Variants in FMN2 observed in about 807,000 individuals in gnomAD.
FMN2 encodes formin 2, also known as formin-2.
FMN2 carries 51 observed loss-of-function variants against 142.3 expected under a neutral mutation model. The ratio of observed to expected loss-of-function variants is 0.36; its 90% CI spans 0.29 to 0.45. FMN2 has a LOEUF of 0.45. Ranked by LOEUF, FMN2 falls within the 20% of genes least tolerant of loss-of-function variation. The probability of loss-of-function intolerance (pLI) is 1.00; values close to 1 mark genes in which losing one functional copy is unlikely to be tolerated. For missense variants in FMN2, 1,936 were observed against 2,122.8 expected (o/e 0.91, Z 1.73); for synonymous variants, 882 against 869.8 (o/e 1.01, Z -0.25).
rs530731594 is a variant in FMN2, at chr1:240,107,538, A to T, written c.1615+13814A>T. Among the ~76,000 whole-genome samples, 11 of 152,268 alleles carry T rather than the reference A, an allele frequency of 7.2e-5. No homozygotes were observed. The East Asian group carries it at 1.9e-3, about 27-fold the overall frequency. On this transcript the variant is annotated intron_variant, in intron 1 of 17. Coordinates refer to ENST00000319653, the MANE Select transcript of FMN2 (RefSeq NM_020066.5). Reference sequence around the variant, plus strand: ...TGTCTTTCTATAGTTTTTCCCTTTTAATCTTGATTTATTTCATGACCTTTT... The same window carrying T: ...TGTCTTTCTATAGTTTTTCCCTTTTTATCTTGATTTATTTCATGACCTTTT...
rs897291378 is a variant in FMN2, at chr1:240,178,210, G to T, written c.1930+142G>T. 5.9e-5 allele frequency: 56 copies of T among 944,130 alleles called. No individual in the cohort carries two copies. In the African/African-American group the frequency reaches 9.5e-4, roughly 16 times the overall value. The allele number at this position is 944,130 out of a possible 1,614,324, so 58.5% of individuals were successfully genotyped here. A position where few individuals can be genotyped will look rare whatever the true frequency, so the allele number is the denominator to read the frequency against. On this transcript the variant is annotated intron_variant, in intron 3 of 17. Coordinates refer to ENST00000319653, the MANE Select transcript of FMN2 (RefSeq NM_020066.5). Reference sequence around the variant, plus strand: ...TAATCTTCAAAAAGTTTTTACTTTGGGGTCTTTTCTCTCTTTGTTCCTTTT... The same window carrying T: ...TAATCTTCAAAAAGTTTTTACTTTGTGGTCTTTTCTCTCTTTGTTCCTTTT...
intron 6 of FMN2, among the ~76,000 whole-genome samples, chr1:240,222,383 G>C (rs1667151982): frequency 6.6e-6 from 1 of 152,088 alleles, no homozygotes; most frequent in African/African-American, 2.4e-5. Flanking sequence ...TGCTGTTTTG[G>C]TTACTGTAGC....
intron 16 of FMN2, among the ~76,000 whole-genome samples, chr1:240,450,274 A>G (rs1390127675): frequency 2.6e-5 from 4 of 152,216 alleles, no homozygotes; most frequent in Non-Finnish European, 5.9e-5. Context: ...TTATTAATAC[A>G]TAGATTAGAT....
intron 6 of FMN2, among the ~76,000 whole-genome samples, chr1:240,212,472 G>A (rs1452954712): frequency 1.3e-5 from 2 of 152,158 alleles, no homozygotes; most frequent in Non-Finnish European, 2.9e-5. Context: ...CATAGTAAAT[G>A]AGATGGCACC....
chr1:240,308,147 A>G (rs1264729535), intron 8 of FMN2, among the ~76,000 whole-genome samples: 1 of 152,184 alleles, frequency 6.6e-6, no homozygotes, highest in East Asian at 1.9e-4. Context: ...GCGGGAGATG[A>G]GGAAGAGAAG....
In FMN2 at chr1:240,178,155, T is replaced by C. The variant is rs1665003207; in HGVS notation, c.1930+87T>C. On this transcript the variant is annotated intron_variant, in intron 3 of 17. Coordinates refer to ENST00000319653, the MANE Select transcript of FMN2 (RefSeq NM_020066.5). ...TATTAAATCTTAGTTTTAAGTAATC[T>C]TTTATTTTTAATTGCATGGCATTCA... 6.7e-6 allele frequency: 9 copies of C among 1,338,484 alleles called. No individual in the cohort carries two copies. The South Asian group carries it at 1.9e-4, about 28-fold the overall frequency. The allele number at this position is 1,338,484 out of a possible 1,614,324, so 82.9% of individuals were successfully genotyped here. A position where few individuals can be genotyped will look rare whatever the true frequency, so the allele number is the denominator to read the frequency against.
At chr1:240,134,743 GGAGT>G (rs1356998607) in intron 2 of FMN2, among the ~76,000 whole-genome samples, 9 of 152,088 alleles carry the variant, frequency 5.9e-5, no homozygotes, top group African/African-American at 2.2e-4. Context: ...TATTAGTCTG[GGAGT>G]TGACTCTGTA....
rs35315482 is a variant in FMN2, at chr1:240,226,809, GACAC to G, written c.4065+15596_4065+15599del. Among the ~76,000 whole-genome samples the G allele has an allele frequency of 4.0e-3, 604 of 149,356 alleles. 2 individuals are homozygous for G. Among genetic ancestry groups the G allele is most frequent in the East Asian group, 0.013 (66 of 5,084 alleles). The stretch of plus-strand genomic sequence containing the variant: ...GTTACCAAATCGTATACACTTTAGT[GACAC>G]ACACACACACACACACACACATACA... On this transcript the variant is annotated intron_variant, in intron 6 of 17. Transcript: ENST00000319653.
chr1:240,094,523 C>T lies in FMN2; in HGVS notation c.1615+799C>T, dbSNP rs767908351. ...CTCATACCCAGGGCGGCATAAAGCA[C>T]AGCCAGAGTATGTTTGCTCTGGTCA... is the stretch of plus-strand genomic sequence containing the variant. On this transcript the variant is annotated intron_variant, in intron 1 of 17. Coordinates refer to ENST00000319653, the MANE Select transcript of FMN2 (RefSeq NM_020066.5). Among the ~76,000 whole-genome samples, 52 of 152,156 alleles carry T rather than the reference C, an allele frequency of 3.4e-4. 1 individual carries two copies. Among genetic ancestry groups the T allele is most frequent in the Non-Finnish European group, 1.2e-4 (8 of 68,032 alleles).
Position 240,093,545 on chromosome 1 carries a change from T to C in FMN2, c.1436T>C (p.Leu479Pro), listed in dbSNP as rs1363544882. ...GCCGACGGCGGCCTTGCGGCCGGCC[T>C]GAGCCGCTCGGCTGACTGGACGGAG... ...HRADGGLAAG[L>P]SRSADWTEEL... The change falls in exon 1 of 18, where the codon CTG becomes CCG. Residue 479 changes from leucine (L) to proline (P), a missense_variant. Physicochemically the swap from Leu to Pro is moderately conservative, Grantham distance 98 (BLOSUM62 -3). Around this residue, in one of 8 missense-constraint regions of FMN2, gnomAD observed 751 missense variants for 791.8 expected, o/e 0.95. Transcript: ENST00000319653. The C allele has an allele frequency of 6.5e-7, 1 of 1,541,666 alleles. No individual in the cohort carries two copies. Among genetic ancestry groups the C allele is most frequent in the Non-Finnish European group, 8.7e-7 (1 of 1,150,574 alleles).
intron 4 of FMN2, among the ~76,000 whole-genome samples, chr1:240,203,997 G>A (rs1666229288): frequency 6.6e-6 from 1 of 152,052 alleles, no homozygotes; most frequent in South Asian, 2.1e-4. Flanking sequence ...TTTAAGGGGA[G>A]AGTGTGTATG....
chr1:240,265,358 T>G (rs576710074), intron 7 of FMN2, among the ~76,000 whole-genome samples: 1 of 152,182 alleles, frequency 6.6e-6, no homozygotes, highest in African/African-American at 2.4e-5. Context: ...AATACACTTA[T>G]ATGCCACATA....
At chr1:240,406,822 G>A (rs942593205) in intron 15 of FMN2, among the ~76,000 whole-genome samples, 43 of 152,284 alleles carry the variant, frequency 2.8e-4, no homozygotes, top group African/African-American at 1.0e-3. Flanking sequence ...TCAATGTAAG[G>A]AAGGAAAATG....
intron 16 of FMN2, among the ~76,000 whole-genome samples, chr1:240,440,392 T>G (rs563472881): frequency 2.6e-5 from 4 of 152,304 alleles, no homozygotes; most frequent in African/African-American, 9.6e-5. Flanking sequence ...CTAGATGACA[T>G]TATCAATAAC....
chr1:240,318,804 A>C (rs1254037263), intron 8 of FMN2, among the ~76,000 whole-genome samples: 1 of 152,122 alleles, frequency 6.6e-6, no homozygotes, highest in Non-Finnish European at 1.5e-5. Context: ...TTGGACAAGG[A>C]TGGTGGCAGT....
intron 2 of FMN2, among the ~76,000 whole-genome samples, chr1:240,158,434 G>T (rs1294093646): frequency 6.6e-6 from 1 of 152,094 alleles, no homozygotes; most frequent in Non-Finnish European, 1.5e-5. Flanking sequence ...CACAAGGTTG[G>T]CTAGATATGT....
intron 16 of FMN2, among the ~76,000 whole-genome samples, chr1:240,447,087 C>T (rs925758068): frequency 6.6e-6 from 1 of 152,194 alleles, no homozygotes; most frequent in African/African-American, 2.4e-5. Flanking sequence ...TTGAAGCTAA[C>T]AACAGATGTT....
intron 16 of FMN2, among the ~76,000 whole-genome samples, chr1:240,468,270 A>C (rs1272537091): frequency 1.3e-5 from 2 of 151,996 alleles, no homozygotes; most frequent in African/African-American, 2.4e-5. Context: ...GCACACACAC[A>C]TATACATATG....
intron 13 of FMN2, among the ~76,000 whole-genome samples, chr1:240,354,033 G>A (rs573140450): frequency 8.5e-5 from 13 of 152,274 alleles, no homozygotes; most frequent in East Asian, 1.9e-4. Flanking sequence ...ACATTGTAGC[G>A]AGTGCTACAA....
Sources: gnomAD v4.1 joint callset for allele counts (sites outside exome capture counted in the v4.1 genomes callset) on GRCh38, gnomAD v4.1.1 for gene constraint, gnomAD v4.1.1 regional missense constraint, MANE v1.5 for transcripts, NCBI Gene and HGNC (gene_info 2026-07-23, HGNC 2026-07-21) for gene names.